PCDHA10: variants seen among roughly 807,000 people sequenced by gnomAD.
PCDHA10 encodes protocadherin alpha 10, also known as protocadherin alpha-10.
In PCDHA10, 45 loss-of-function variants were observed where a neutral mutation model predicts 61.2. That is an observed-to-expected ratio of 0.74 (90% CI 0.58 to 0.94). The LOEUF is 0.94. PCDHA10 is among the 40% of genes least tolerant of loss of function. The probability of loss-of-function intolerance (pLI) is 0.00; values close to 1 mark genes in which losing one functional copy is unlikely to be tolerated. For synonymous variants in PCDHA10, 602 were observed against 548.8 expected, an observed-to-expected ratio of 1.10 and a Z score of -1.35; for missense variants, 1,278 against 1,236.2, an observed-to-expected ratio of 1.03 and a Z score of -0.51.
intron 1 of PCDHA10, among the ~76,000 whole-genome samples, chr5:140,904,259 C>T (rs2070990539): frequency 6.6e-6 from 1 of 152,066 alleles, no homozygotes. Context: ...GCTTAGCTCC[C>T]ACTTATGAAT....
intron 1 of PCDHA10, among the ~76,000 whole-genome samples, chr5:140,961,617 C>T (rs781986571): frequency 2.0e-5 from 3 of 152,086 alleles, no homozygotes; most frequent in Non-Finnish European, 4.4e-5. Context: ...AACTAAAGTG[C>T]CCATATGAAA....
At chr5:140,872,878 C>G (rs1582101357) in intron 1 of PCDHA10, among the ~76,000 whole-genome samples, 1 of 152,160 alleles carries the variant, frequency 6.6e-6, no homozygotes, top group East Asian at 1.9e-4. Flanking sequence ...TTATCAGTTT[C>G]ATTCATCTCA....
chr5:140,982,538 G>C lies in PCDHA10; in HGVS notation c.2511G>C (p.Trp837Cys), dbSNP rs782094765. The change falls in exon 3 of 4, where the codon TGG becomes TGC. Residue 837 changes from tryptophan to cysteine, a missense_variant. Coordinates refer to ENST00000307360, the MANE Select transcript of PCDHA10 (RefSeq NM_018901.4). ...GTCCAGGAGGGCCTGATCAGCAGTG[G>C]CCAACAGTATCCAGTGCAACACCAG... ...RAGPGGPDQQ[W>C]PTVSSATPEP... 1 of 1,614,166 alleles carries C rather than the reference G, an allele frequency of 6.2e-7. No individual in the cohort carries two copies.
chr5:140,982,340 G>C (rs1186327832), intron 2 of PCDHA10, 135 bp from the exon 3 acceptor site: 1 of 1,458,038 alleles, frequency 6.9e-7, no homozygotes, highest in East Asian at 2.5e-5. Flanking sequence ...AGCAGTAATT[G>C]CTTCAGTTCA....
rs543512832 is a variant in PCDHA10 at position 140,899,964 on chromosome 5, T to C, written c.2388+41528T>C. On this transcript the variant is annotated intron_variant, in intron 1 of 3. Coordinates refer to ENST00000307360, the MANE Select transcript of PCDHA10 (RefSeq NM_018901.4). Reference sequence around the variant, plus strand: ...CTGGGACCACAGGCATGTGCTGCCATGCCCAGCTACTTTTTTGATTTTTTT... The same window carrying C: ...CTGGGACCACAGGCATGTGCTGCCACGCCCAGCTACTTTTTTGATTTTTTT... 3.3e-5 allele frequency among the ~76,000 whole-genome samples: 5 copies of C among 151,940 alleles called. No individual in the cohort carries two copies. In the South Asian group the frequency reaches 6.2e-4, roughly 19 times the overall value.
At position 140,933,888 on chromosome 5, in the gene PCDHA10, T is replaced by C. The variant is rs148048721; in HGVS notation, c.2389-45061T>C. On this transcript the variant is annotated intron_variant, in intron 1 of 3. Transcript: ENST00000307360. ...ATATATGTTAGTTTTATCTGTACTTTTGAATATTTTGGCATAAAGTTGTTT... is the reference window on the plus strand; with the variant it reads ...ATATATGTTAGTTTTATCTGTACTTCTGAATATTTTGGCATAAAGTTGTTT... Among the ~76,000 whole-genome samples the C allele has an allele frequency of 7.7e-3, 1,170 of 152,222 alleles. 4 individuals are homozygous for C. Among genetic ancestry groups the C allele is most frequent in the Admixed American group, 0.013 (200 of 15,288 alleles).
At chr5:140,914,646 C>A (rs2076792238) in intron 1 of PCDHA10, among the ~76,000 whole-genome samples, 1 of 152,018 alleles carries the variant, frequency 6.6e-6, no homozygotes, top group Admixed American at 6.5e-5. Context: ...ATGGTCATCT[C>A]TCCCTTCTTT....
Position 140,968,215 on chromosome 5 carries a change from G to T in PCDHA10, c.2389-10734G>T, listed in dbSNP as rs782676713. The stretch of plus-strand genomic sequence containing the variant: ...CCATCTACATACAGGAGAACAATTT[G>T]CCAGGTGTGTTGCTCTGTACTGTGC... On this transcript the variant is annotated intron_variant, in intron 1 of 3. Transcript: ENST00000307360. 3.1e-6 allele frequency: 5 copies of T among 1,613,862 alleles called. No homozygotes were observed. In the East Asian group the frequency reaches 1.1e-4, roughly 36 times the overall value.
At chr5:140,924,187 G>A (rs1238020963) in intron 1 of PCDHA10, among the ~76,000 whole-genome samples, 1 of 152,220 alleles carries the variant, frequency 6.6e-6, no homozygotes, top group Non-Finnish European at 1.5e-5. Flanking sequence ...CAGAAAATTA[G>A]TTTTGGTTTA....
chr5:140,954,488 T>C (rs1270188262), intron 1 of PCDHA10, among the ~76,000 whole-genome samples: 1 of 152,246 alleles, frequency 6.6e-6, no homozygotes, highest in Non-Finnish European at 1.5e-5. Flanking sequence ...AGATATTTCA[T>C]TGTGGTTTTG....
intron 1 of PCDHA10, among the ~76,000 whole-genome samples, chr5:140,947,307 T>C (rs1329729103): frequency 6.6e-6 from 1 of 151,660 alleles, no homozygotes; most frequent in African/African-American, 2.4e-5. Context: ...GACATCTTTG[T>C]AAAAAGTCGG....
At chr5:141,008,704 T>C (rs1485324733) in intron 3 of PCDHA10, among the ~76,000 whole-genome samples, 1 of 152,236 alleles carries the variant, frequency 6.6e-6, no homozygotes, top group East Asian at 1.9e-4. Context: ...AGTTGGTTTC[T>C]AGTTGCTTGA....
chr5:140,938,086 TTTA>T (rs1189650554), intron 1 of PCDHA10, among the ~76,000 whole-genome samples: 6 of 152,142 alleles, frequency 3.9e-5, no homozygotes, highest in African/African-American at 1.4e-4. Flanking sequence ...TAATGTTAGT[TTTA>T]TTATTGTATT....
chr5:140,883,226 G>A, intron 1 of PCDHA10: 2 of 1,613,938 alleles, frequency 1.2e-6, no homozygotes, highest in South Asian at 1.1e-5. Flanking sequence ...TGAAATATCC[G>A]TGGAGGCAGT....
intron 1 of PCDHA10, among the ~76,000 whole-genome samples, chr5:140,885,242 A>G (rs1481024816): frequency 6.6e-6 from 1 of 152,038 alleles, no homozygotes; most frequent in Non-Finnish European, 1.5e-5. Context: ...TCAATTTTTT[A>G]TTTGCATTCA....
At chr5:140,968,288 C>A in intron 1 of PCDHA10, 1 of 1,613,976 alleles carries the variant, frequency 6.2e-7, no homozygotes, top group Non-Finnish European at 8.5e-7. Context: ...GACCTACTCC[C>A]TTCTGGAGAG....
chr5:141,006,946 G>A (rs1333269040), intron 3 of PCDHA10, among the ~76,000 whole-genome samples: 1 of 152,120 alleles, frequency 6.6e-6, no homozygotes, highest in African/African-American at 2.4e-5. Flanking sequence ...TACCAGATAG[G>A]CAGTTATACA....
intron 1 of PCDHA10, among the ~76,000 whole-genome samples, chr5:140,919,699 C>T (rs946203919): frequency 3.3e-5 from 5 of 152,084 alleles, no homozygotes; most frequent in African/African-American, 1.2e-4. Context: ...TTTATATTAA[C>T]TTAATTCTAG....
chr5:140,926,972 C>T (rs782504064), intron 1 of PCDHA10: 1 of 1,609,464 alleles, frequency 6.2e-7, no homozygotes. Context: ...TACTCAGTGC[C>T]GGAGGAGACG....
Sources: allele counts gnomAD v4.1 joint callset (sites outside exome capture counted in the v4.1 genomes callset), GRCh38; gene constraint gnomAD v4.1.1; transcripts MANE v1.5; gene names NCBI Gene and HGNC (gene_info 2026-07-23, HGNC 2026-07-21).